Variants in AP4E1 observed in about 807,000 individuals in gnomAD.
The protein encoded by AP4E1 is adaptor related protein complex 4 subunit epsilon 1, also known as AP-4 complex subunit epsilon-1.
Under a neutral mutation model 128.2 loss-of-function variants are expected in AP4E1, and 56 were observed. That is an observed-to-expected ratio of 0.44 (90% CI 0.35 to 0.55). The LOEUF is 0.55. Among genes scored for constraint, AP4E1 ranks in the 20% least tolerant of loss-of-function variants. AP4E1 has a pLI of 0.00. For missense variants in AP4E1, 1,324 were observed against 1,307.7 expected (o/e 1.01, Z -0.19); for synonymous variants, 484 against 473.1 (o/e 1.02, Z -0.30).
intron 14 of AP4E1, among the ~76,000 whole-genome samples, chr15:50,962,027 C>G (rs1310551843): frequency 6.6e-6 from 1 of 151,054 alleles, no homozygotes; most frequent in East Asian, 1.9e-4. Context: ...AAATACAATA[C>G]AATACAATAC....
intron 7 of AP4E1, among the ~76,000 whole-genome samples, chr15:50,932,389 A>G (rs180727054): frequency 1.9e-4 from 29 of 152,284 alleles, no homozygotes; most frequent in Admixed American, 1.4e-3. Flanking sequence ...CATTTGTTCT[A>G]TCATTCTCAT....
In AP4E1 at chr15:51,003,805, G is replaced by A. The variant is rs562465148; in HGVS notation, c.*1143G>A. 1.3e-5 allele frequency: 2 copies of A among 152,694 alleles called. No homozygotes were observed. The highest frequency in any genetic ancestry group is 2.4e-5 in the African/African-American group (1 of 41,550). 9.5% of individuals were successfully genotyped at this position (152,694 alleles called of 1,614,324 possible). A position where few individuals can be genotyped will look rare whatever the true frequency, so the allele number is the denominator to read the frequency against. On this transcript the variant is annotated 3_prime_UTR_variant, in exon 21 of 21. Transcript: ENST00000261842. The stretch of plus-strand genomic sequence containing the variant: ...TTCACCTTTTCTGACACTTCACCAT[G>A]GAGACTATTCAGGTAATACAATTTT...
At chr15:50,909,570 C>G (rs1055238062) in intron 1 of AP4E1, among the ~76,000 whole-genome samples, 4 of 152,252 alleles carry the variant, frequency 2.6e-5, no homozygotes, top group African/African-American at 9.6e-5. Context: ...TATAAAAATT[C>G]TTAAACTTTT....
In AP4E1 at chr15:50,993,747, TACTC is replaced by T. The variant is rs2064834248; in HGVS notation, c.2346+125_2346+128del. On this transcript the variant is annotated intron_variant, in intron 17 of 20. Transcript: ENST00000261842. ...AGTGAAAAGTGGCTTCCCCAGTTCT[TACTC>T]ACCATCATTTCCCAGCTCCAGAACC... 3 of 1,172,680 alleles carry T rather than the reference TACTC, an allele frequency of 2.6e-6. No homozygotes were observed. The East Asian group carries it at 7.1e-5, about 28-fold the overall frequency. The allele number at this position is 1,172,680 out of a possible 1,614,324, so 72.6% of individuals were successfully genotyped here. A position where few individuals can be genotyped will look rare whatever the true frequency, so the allele number is the denominator to read the frequency against.
chr15:50,959,242 A>G (rs2127368), intron 14 of AP4E1, among the ~76,000 whole-genome samples: 65,801 of 151,732 alleles, frequency 0.43, 14,483 homozygotes, highest in East Asian at 0.59. Flanking sequence ...ATCTAAAAAG[A>G]TCTTCACCAA....
At chr15:50,977,715 T>TGTTTTG (rs71127170) in intron 15 of AP4E1, among the ~76,000 whole-genome samples, 1 of 142,182 alleles carries the variant, frequency 7.0e-6, no homozygotes, top group Non-Finnish European at 1.5e-5. Flanking sequence ...GGTTTTTTTT[T>TGTTTTG]TTTTTTTTTT....
chr15:50,964,955 C>CCACACACACACACA (rs55825810), intron 14 of AP4E1, among the ~76,000 whole-genome samples: 11,865 of 131,236 alleles, frequency 0.09, 773 homozygotes, highest in Admixed American at 0.13. Flanking sequence ...CCTCCCCCTA[C>CCACACACACACACA]CACACACACA....
chr15:50,925,812 T>G (rs1390378328), intron 5 of AP4E1, among the ~76,000 whole-genome samples: 5 of 150,742 alleles, frequency 3.3e-5, no homozygotes, highest in African/African-American at 1.2e-4. Context: ...TTTTTTTTTT[T>G]TAATAGAAAC....
intron 10 of AP4E1, chr15:50,945,253 G>A (rs561697312): frequency 1.6e-4 from 124 of 784,586 alleles, no homozygotes; most frequent in Non-Finnish European, 2.6e-4. Context: ...GGATTTGACA[G>A]TGTAAGTAGT....
chr15:50,934,285 A>G (rs79502022), intron 7 of AP4E1, among the ~76,000 whole-genome samples: 5,004 of 152,180 alleles, frequency 0.033, 123 homozygotes, highest in Non-Finnish European at 0.05. Flanking sequence ...TATATGAAGT[A>G]TTACTATGGT....
chr15:50,908,831 A>G lies in AP4E1; in HGVS notation c.53A>G (p.Gln18Arg). 6.2e-7 allele frequency: 1 copy of G among 1,607,642 alleles called. No individual in the cohort carries two copies. Among genetic ancestry groups the G allele is most frequent in the Non-Finnish European group, 8.5e-7 (1 of 1,178,126 alleles). Residue 18 changes from glutamine to arginine, a missense_variant, in exon 1 of 21, where the codon CAG (glutamine) becomes CGG (arginine). Physicochemically the swap from Gln to Arg is conservative, Grantham distance 43. Coordinates refer to ENST00000261842, the MANE Select transcript of AP4E1 (RefSeq NM_007347.5). ...TLTALPGLFL[Q>R]NQPGGGPAAA... ...ACGGCGCTGCCGGGACTCTTTCTGC[A>G]GAACCAGCCCGGTGGTGGGCCCGCG...
chr15:50,977,726 T>A (rs1485880442), intron 15 of AP4E1, among the ~76,000 whole-genome samples: 1 of 149,760 alleles, frequency 6.7e-6, no homozygotes, highest in Non-Finnish European at 1.5e-5. Context: ...TTTTTTTTTT[T>A]AGACAGAGTC....
chr15:50,937,557 A>G (rs1316888085), intron 8 of AP4E1, among the ~76,000 whole-genome samples: 1 of 152,248 alleles, frequency 6.6e-6, no homozygotes, highest in Admixed American at 6.5e-5. Flanking sequence ...TGAAAGCTTA[A>G]TACCAGTGTA....
intron 15 of AP4E1, among the ~76,000 whole-genome samples, chr15:50,975,141 C>T (rs1191517256): frequency 1.8e-4 from 27 of 152,218 alleles, no homozygotes; most frequent in Admixed American, 1.8e-3. Context: ...CGCGGTGGCT[C>T]ACACCTGTAA....
chr15:50,963,064 C>T (rs980207658), intron 14 of AP4E1, among the ~76,000 whole-genome samples: 1 of 151,910 alleles, frequency 6.6e-6, no homozygotes, highest in Non-Finnish European at 1.5e-5. Context: ...ATTTCAGTTA[C>T]AATGGCTGTT....
At chr15:50,981,390 C>T (rs951493164) in intron 15 of AP4E1, among the ~76,000 whole-genome samples, 2 of 152,190 alleles carry the variant, frequency 1.3e-5, no homozygotes, top group Admixed American at 1.3e-4. Context: ...TGGCCTATTC[C>T]TCCCTTTTGG....
intron 10 of AP4E1, 106 bp from the exon 11 acceptor site, chr15:50,947,914 C>T: frequency 1.1e-6 from 1 of 938,894 alleles, no homozygotes; most frequent in South Asian, 1.6e-5. Context: ...AGTAGATCTC[C>T]ATAAAAGTAG....
chr15:50,952,524 AAAG>A (rs1433249951), intron 13 of AP4E1, among the ~76,000 whole-genome samples: 5 of 151,906 alleles, frequency 3.3e-5, no homozygotes, highest in Non-Finnish European at 7.4e-5. Context: ...AAAAAAAAAA[AAAG>A]AAGTGTACAG....
At chr15:50,985,201 G>A (rs2064703323) in intron 16 of AP4E1, among the ~76,000 whole-genome samples, 1 of 152,032 alleles carries the variant, frequency 6.6e-6, no homozygotes, top group African/African-American at 2.4e-5. Context: ...TGTAGATTCT[G>A]GATATTAGCC....
Sources: allele counts gnomAD v4.1 joint callset (sites outside exome capture counted in the v4.1 genomes callset), GRCh38; gene constraint gnomAD v4.1.1; transcripts MANE v1.5; gene names NCBI Gene and HGNC (gene_info 2026-07-23, HGNC 2026-07-21).